Variants in CPS1 observed in about 807,000 individuals in gnomAD.
CPS1 encodes carbamoyl-phosphate synthase 1.
In CPS1, 109 loss-of-function variants were observed where a neutral mutation model predicts 174.6. That is an observed-to-expected ratio of 0.62 (90% confidence interval 0.53 to 0.73). The LOEUF is 0.73. Ranked by LOEUF, CPS1 falls within the 30% of genes least tolerant of loss-of-function variation. The probability of loss-of-function intolerance (pLI) is 0.00; values close to 1 mark genes in which losing one functional copy is unlikely to be tolerated. For synonymous variants in CPS1, 637 were observed against 632.0 expected, an observed-to-expected ratio of 1.01 and a Z score of -0.12; for missense variants, 1,689 against 1,821.9, an observed-to-expected ratio of 0.93 and a Z score of 1.33.
intron 16 of CPS1, among the ~76,000 whole-genome samples, chr2:210,604,078 G>A (rs1021977744): frequency 4.0e-5 from 6 of 151,752 alleles, no homozygotes; most frequent in Non-Finnish European, 8.8e-5. Context: ...CCGGAATGAT[G>A]AATTAATCAT....
Position 210,660,578 on chromosome 2 carries a change from A to G in CPS1, c.3850A>G (p.Ile1284Val). The G allele has an allele frequency of 6.2e-7, 1 of 1,614,094 alleles. No homozygotes were observed. Among genetic ancestry groups the G allele is most frequent in the South Asian group, 1.1e-5 (1 of 91,080 alleles). ...CATTGATGTGGCCACCAAGGTGATG[A>G]TTGGAGAGAATGTTGATGAGAAACA... ...DFIDVATKVMIGENVDEKHLP... is the reference protein window; with the variant it reads ...DFIDVATKVMVGENVDEKHLP... Residue 1284 changes from isoleucine (I) to valine (V), a missense_variant, in exon 32 of 38, where the codon ATT (isoleucine) becomes GTT (valine). Transcript: ENST00000233072.
intron 11 of CPS1, among the ~76,000 whole-genome samples, 194 bp from the exon 12 acceptor site, chr2:210,594,314 G>A (rs911059609): frequency 6.6e-6 from 1 of 151,958 alleles, no homozygotes; most frequent in Non-Finnish European, 1.5e-5. Flanking sequence ...GAAGTGAACA[G>A]AAGTGTTTAT....
chr2:210,622,165 A>G (rs1267012162), intron 21 of CPS1, among the ~76,000 whole-genome samples: 2 of 151,458 alleles, frequency 1.3e-5, no homozygotes, highest in Admixed American at 1.3e-4. Context: ...CAATGTTGCT[A>G]TTTATGTGAG....
At chr2:210,507,535 C>T (rs1367244689) in intron 1 of CPS1, among the ~76,000 whole-genome samples, 2 of 151,346 alleles carry the variant, frequency 1.3e-5, no homozygotes, top group African/African-American at 4.9e-5. Flanking sequence ...CAATATTAAC[C>T]TTAAATGTAA....
At chr2:210,533,672 C>T (rs1237228277) in intron 1 of CPS1, among the ~76,000 whole-genome samples, 1 of 152,118 alleles carries the variant, frequency 6.6e-6, no homozygotes, top group African/African-American at 2.4e-5. Context: ...TGCTTTTTAT[C>T]TGACTCTGTA....
rs1016476875 is a variant in CPS1 at position 210,576,750 on chromosome 2, TAAC to T, written c.381+264_381+266del. ...TTGAAAAAAATGTTATAAGTTCAAA[TAAC>T]AACTATGCTATAAAAGGATTGGGGA... is the stretch of plus-strand genomic sequence containing the variant. On this transcript the variant is annotated intron_variant, in intron 3 of 37. Coordinates refer to ENST00000233072, the MANE Select transcript of CPS1 (RefSeq NM_001875.5). 3.3e-5 allele frequency among the ~76,000 whole-genome samples: 5 copies of T among 152,134 alleles called. No individual in the cohort carries two copies. In the South Asian group the frequency reaches 8.3e-4, roughly 25 times the overall value.
intron 16 of CPS1, 86 bp from the exon 17 acceptor site, chr2:210,605,016 A>G: frequency 6.8e-7 from 1 of 1,474,794 alleles, no homozygotes; most frequent in Non-Finnish European, 9.4e-7. Context: ...GCTGACCAGG[A>G]TTTATGCCAG....
chr2:210,593,748 T>G (rs1267995683), intron 11 of CPS1: 2 of 729,724 alleles, frequency 2.7e-6, no homozygotes, highest in South Asian at 6.2e-5. Flanking sequence ...AATTGCCGTT[T>G]TAGATATTTA....
At chr2:210,631,020 GT>G (rs34869171) in intron 21 of CPS1, among the ~76,000 whole-genome samples, 64,326 of 141,548 alleles carry the variant, frequency 0.45, 14,726 homozygotes, top group Middle Eastern at 0.58. Context: ...CTTTTGGAGT[GT>G]TTTTTTTTTT....
intron 21 of CPS1, among the ~76,000 whole-genome samples, chr2:210,627,397 A>T (rs964528218): frequency 6.6e-6 from 1 of 152,140 alleles, no homozygotes; most frequent in Non-Finnish European, 1.5e-5. Flanking sequence ...TTCCATGTTT[A>T]GGGAGGTGTG....
At chr2:210,668,679 TTC>T (rs1701188051) in intron 34 of CPS1, among the ~76,000 whole-genome samples, 1 of 152,174 alleles carries the variant, frequency 6.6e-6, no homozygotes, top group Non-Finnish European at 1.5e-5. Context: ...CTCTTGATAT[TTC>T]TCTGTCTCTT....
intron 25 of CPS1, among the ~76,000 whole-genome samples, chr2:210,645,328 T>C (rs1293147568): frequency 2.7e-5 from 4 of 150,342 alleles, no homozygotes; most frequent in African/African-American, 4.9e-5. Context: ...TCTACTACTT[T>C]CCAAAAAAAA....
chr2:210,675,041 G>A, intron 35 of CPS1, 80 bp downstream of exon 35: 1 of 1,123,424 alleles, frequency 8.9e-7, no homozygotes, highest in Non-Finnish European at 1.4e-6. Flanking sequence ...TATTGGAAAA[G>A]AAATAGCCCA....
chr2:210,653,627 G>C (rs192616592), intron 28 of CPS1, among the ~76,000 whole-genome samples: 2 of 152,022 alleles, frequency 1.3e-5, no homozygotes, highest in East Asian at 3.9e-4. Context: ...AAAAGATAAG[G>C]GTAGAAAGAA....
chr2:210,479,518 G>A (rs1451154478), intron 1 of CPS1, among the ~76,000 whole-genome samples: 3 of 151,862 alleles, frequency 2.0e-5, no homozygotes, highest in African/African-American at 2.4e-5. Flanking sequence ...CAGTAGAGAC[G>A]GGGTTTCACC....
At chr2:210,669,534 A>T (rs1468804143) in intron 34 of CPS1, among the ~76,000 whole-genome samples, 1 of 152,154 alleles carries the variant, frequency 6.6e-6, no homozygotes, top group Non-Finnish European at 1.5e-5. Context: ...GTGTCTTAAT[A>T]TTAGCAAATT....
intron 10 of CPS1, among the ~76,000 whole-genome samples, chr2:210,592,611 A>C (rs934199940): frequency 7.2e-5 from 11 of 151,868 alleles, no homozygotes; most frequent in African/African-American, 2.7e-4. Context: ...CTATAGACCA[A>C]ATTTTTTATT....
intron 1 of CPS1, among the ~76,000 whole-genome samples, chr2:210,496,127 A>G (rs908994354): frequency 2.6e-5 from 4 of 152,148 alleles, no homozygotes; most frequent in Admixed American, 2.0e-4. Context: ...TTGGACTTGC[A>G]CCTCACCAAA....
At chr2:210,651,910 A>ACTGT (rs1700571596) in intron 28 of CPS1, among the ~76,000 whole-genome samples, 1 of 152,208 alleles carries the variant, frequency 6.6e-6, no homozygotes, top group Non-Finnish European at 1.5e-5. Flanking sequence ...TATGGTCTCT[A>ACTGT]CTGTCACATA....
Sources: allele counts gnomAD v4.1 joint callset (sites outside exome capture counted in the v4.1 genomes callset), GRCh38; gene constraint gnomAD v4.1.1; transcripts MANE v1.5; gene names NCBI Gene and HGNC (gene_info 2026-07-23, HGNC 2026-07-21).